The following PTPRT variants were observed in gnomAD, a reference collection of about 807,000 sequenced individuals.
The protein encoded by PTPRT is receptor-type tyrosine-protein phosphatase T.
In PTPRT, 56 loss-of-function variants were observed where a neutral mutation model predicts 176.8. The ratio of observed to expected loss-of-function variants is 0.32; its 90% confidence interval spans 0.26 to 0.40. The LOEUF (loss-of-function observed/expected upper bound fraction) is 0.40, where lower values mean the gene tolerates loss of function less well. Among genes scored for constraint, PTPRT ranks in the 10% least tolerant of loss-of-function variants. PTPRT has a pLI of 1.00. For synonymous variants in PTPRT, 783 were observed against 739.0 expected, an observed-to-expected ratio of 1.06 and a Z score of -0.96; for missense variants, 1,540 against 1,908.2, an observed-to-expected ratio of 0.81 and a Z score of 3.60.
At chr20:42,651,815 G>A (rs908972287) in intron 7 of PTPRT, among the ~76,000 whole-genome samples, 1 of 152,144 alleles carries the variant, frequency 6.6e-6, no homozygotes, top group Non-Finnish European at 1.5e-5. Flanking sequence ...GGGAGGCTGA[G>A]GTGGGTGGAT....
intron 13 of PTPRT, among the ~76,000 whole-genome samples, chr20:42,264,064 G>A (rs1472661193): frequency 6.6e-6 from 1 of 152,230 alleles, no homozygotes; most frequent in Non-Finnish European, 1.5e-5. Flanking sequence ...AAAAGAGAAG[G>A]CAAGGATGAT....
intron 6 of PTPRT, among the ~76,000 whole-genome samples, chr20:42,702,306 CTCT>C (rs2075985201): frequency 6.6e-6 from 1 of 152,134 alleles, no homozygotes; most frequent in Non-Finnish European, 1.5e-5. Flanking sequence ...AGAAGGTATT[CTCT>C]TCATCTTCTC....
At chr20:42,956,335 G>A (rs571196847) in intron 1 of PTPRT, among the ~76,000 whole-genome samples, 5 of 152,150 alleles carry the variant, frequency 3.3e-5, no homozygotes, top group East Asian at 1.9e-4. Context: ...TGCTCTCCTC[G>A]CAATAGTGAT....
intron 1 of PTPRT, among the ~76,000 whole-genome samples, chr20:43,152,046 G>A (rs1338827745): frequency 6.6e-6 from 1 of 152,160 alleles, no homozygotes; most frequent in Non-Finnish European, 1.5e-5. Flanking sequence ...ACATCTGGAT[G>A]AAGCTTTTTA....
At chr20:42,179,793 T>C (rs1990439102) in intron 16 of PTPRT, among the ~76,000 whole-genome samples, 1 of 151,974 alleles carries the variant, frequency 6.6e-6, no homozygotes, top group African/African-American at 2.4e-5. Context: ...CTGAATGGGG[T>C]AGGTGTACCG....
Position 42,259,747 on chromosome 20 carries a change from G to A in PTPRT, c.2177-10925C>T, listed in dbSNP as rs571249003. ...GAGATCAGGAGTCAACTTACGGCTC[G>A]GGTTTAGAAGTGTTATGGCAGTCAG... is the stretch of plus-strand genomic sequence containing the variant. On this transcript the variant is annotated intron_variant, in intron 13 of 30. Coordinates refer to ENST00000373187, the MANE Select transcript of PTPRT (RefSeq NM_007050.6). Among the ~76,000 whole-genome samples, 9 of 152,310 alleles carry A rather than the reference G, an allele frequency of 5.9e-5. No individual in the cohort carries two copies. In the South Asian group the frequency reaches 1.2e-3, roughly 21 times the overall value.
the PTPRT span, among the ~76,000 whole-genome samples, chr20:42,053,601 C>T: frequency 4.6e-5 from 7 of 152,284 alleles, no homozygotes; most frequent in East Asian, 1.2e-3. Flanking sequence ...TAACAAGATG[C>T]ATGGAGGAGA....
intron 9 of PTPRT, among the ~76,000 whole-genome samples, chr20:42,403,905 T>G (rs765080239): frequency 3.9e-5 from 6 of 152,150 alleles, no homozygotes; most frequent in Non-Finnish European, 8.8e-5. Context: ...TCTTTTCTCC[T>G]CATTCTATGG....
At chr20:42,420,784 A>G (rs1323607781) in intron 9 of PTPRT, among the ~76,000 whole-genome samples, 1 of 152,224 alleles carries the variant, frequency 6.6e-6, no homozygotes, top group Non-Finnish European at 1.5e-5. Context: ...TGGGTCTAGG[A>G]CCAACCCCCG....
chr20:42,698,085 T>A (rs2075911257), intron 6 of PTPRT, among the ~76,000 whole-genome samples: 1 of 152,174 alleles, frequency 6.6e-6, no homozygotes, highest in East Asian at 1.9e-4. Context: ...AATTGCCCCA[T>A]GAACTTCCTC....
chr20:42,631,765 G>C (rs2074411879), intron 7 of PTPRT, among the ~76,000 whole-genome samples: 1 of 152,068 alleles, frequency 6.6e-6, no homozygotes, highest in Non-Finnish European at 1.5e-5. Context: ...TTGTGTAAAT[G>C]AATGAATGAA....
chr20:42,257,658 C>G (rs1172669137), intron 13 of PTPRT, among the ~76,000 whole-genome samples: 2 of 108,444 alleles, frequency 1.8e-5, no homozygotes, highest in Non-Finnish European at 3.8e-5. Flanking sequence ...CCCCCCCCCG[C>G]CCACTACTCT....
At chr20:42,373,144 C>G (rs912408066) in intron 9 of PTPRT, among the ~76,000 whole-genome samples, 1 of 152,166 alleles carries the variant, frequency 6.6e-6, no homozygotes, top group Admixed American at 6.5e-5. Flanking sequence ...GCGTTATTTA[C>G]TTTGCAGAGT....
intron 9 of PTPRT, among the ~76,000 whole-genome samples, chr20:42,447,093 C>A (rs2070747200): frequency 6.6e-6 from 1 of 152,146 alleles, no homozygotes; most frequent in Non-Finnish European, 1.5e-5. Context: ...TCATCAAATA[C>A]TCCTTGACTT....
intron 7 of PTPRT, among the ~76,000 whole-genome samples, chr20:42,534,280 C>A (rs1236596791): frequency 2.6e-5 from 4 of 152,168 alleles, no homozygotes; most frequent in Non-Finnish European, 4.4e-5. Context: ...CAAACAGATA[C>A]CAGCAGACAG....
Position 42,077,262 on chromosome 20 carries a change from A to G in PTPRT, c.*3617T>C, listed in dbSNP as rs1352891179. On this transcript the variant is annotated 3_prime_UTR_variant, in exon 31 of 31. Coordinates refer to ENST00000373187, the MANE Select transcript of PTPRT (RefSeq NM_007050.6). Reference sequence around the variant, plus strand: ...GCCTACTGTGGCCTTCTAGAGGCCCAAGGACCCCTGGTTGGCCCAGATTCT... The same window carrying G: ...GCCTACTGTGGCCTTCTAGAGGCCCGAGGACCCCTGGTTGGCCCAGATTCT... 5.4e-6 allele frequency: 1 copy of G among 186,752 alleles called. No homozygotes were observed. Among genetic ancestry groups the G allele is most frequent in the Non-Finnish European group, 1.1e-5 (1 of 88,400 alleles). 11.6% of individuals were successfully genotyped at this position (186,752 alleles called of 1,614,324 possible). A position where few individuals can be genotyped will look rare whatever the true frequency, so the allele number is the denominator to read the frequency against.
intron 1 of PTPRT, among the ~76,000 whole-genome samples, chr20:43,179,528 G>C (rs1215088712): frequency 6.6e-6 from 1 of 152,124 alleles, no homozygotes; most frequent in African/African-American, 2.4e-5. Flanking sequence ...TGTAAAAATT[G>C]TAGTCTTACA....
At chr20:42,409,886 G>A (rs982171822) in intron 9 of PTPRT, among the ~76,000 whole-genome samples, 1 of 152,286 alleles carries the variant, frequency 6.6e-6, no homozygotes, top group Non-Finnish European at 1.5e-5. Flanking sequence ...AAATGGAGCA[G>A]ACTGCAGTCT....
intron 1 of PTPRT, among the ~76,000 whole-genome samples, chr20:42,910,851 G>C (rs919333671): frequency 1.3e-5 from 2 of 152,164 alleles, no homozygotes; most frequent in Non-Finnish European, 2.9e-5. Flanking sequence ...AGGTTTAATG[G>C]ACTCACAATT....
Sources: allele counts gnomAD v4.1 joint callset (sites outside exome capture counted in the v4.1 genomes callset), GRCh38; gene constraint gnomAD v4.1.1; transcripts MANE v1.5; gene names NCBI Gene and HGNC (gene_info 2026-07-23, HGNC 2026-07-21).